NXN: variants seen among roughly 807,000 people sequenced by gnomAD.
The protein encoded by NXN is nucleoredoxin 1.
Under a neutral mutation model 48.6 loss-of-function variants are expected in NXN, and 16 were observed. The observed-to-expected ratio is 0.33, with a 90% confidence interval of 0.22 to 0.50. The LOEUF (loss-of-function observed/expected upper bound fraction) is 0.50. NXN is among the 20% of genes least tolerant of loss of function. The pLI, the probability that NXN is intolerant of heterozygous loss-of-function variation, is 0.98. For synonymous variants in NXN, 281 were observed against 269.6 expected, an observed-to-expected ratio of 1.04 and a Z score of -0.41; for missense variants, 492 against 605.5, an observed-to-expected ratio of 0.81 and a Z score of 1.97.
chr17:851,313 C>G (rs1326512722), intron 1 of NXN, among the ~76,000 whole-genome samples: 24 of 152,288 alleles, frequency 1.6e-4, no homozygotes, highest in Admixed American at 1.6e-3. Context: ...GGACAAAAGA[C>G]AGCGCAAGCC....
rs989148111 is a variant in NXN at position 850,715 on chromosome 17, G to A, written c.361-24637C>T. 2.4e-4 allele frequency among the ~76,000 whole-genome samples: 37 copies of A among 152,176 alleles called. 3 individuals are homozygous for A. Among genetic ancestry groups the A allele is most frequent in the African/African-American group, 2.4e-5 (1 of 41,432 alleles). On this transcript the variant is annotated intron_variant, in intron 1 of 7. Transcript: ENST00000336868. ...CTGCAGACAAGATGAATGGCCACAC[G>A]TCCCTTAGAGCACACTCCCGAGGTA...
chr17:969,953 G>A (rs1384750329), intron 1 of NXN, among the ~76,000 whole-genome samples: 1 of 152,120 alleles, frequency 6.6e-6, no homozygotes, highest in Admixed American at 6.6e-5. Context: ...CCTGTAATTG[G>A]TGCCTGTACT....
chr17:955,693 G>A (rs2150622742), intron 1 of NXN, among the ~76,000 whole-genome samples: 1 of 150,608 alleles, frequency 6.6e-6, no homozygotes, highest in Admixed American at 6.6e-5. Flanking sequence ...TCAGGAGATT[G>A]AGACCATCCT....
At chr17:843,056 G>GAAAGCAAGCAAGCAAGC (rs113972004) in intron 1 of NXN, among the ~76,000 whole-genome samples, 1 of 107,218 alleles carries the variant, frequency 9.3e-6, no homozygotes, top group African/African-American at 3.9e-5. Context: ...AAGAAAGAAA[G>GAAAGCAAGCAAGCAAGC]AAGGAAGAAA....
intron 1 of NXN, among the ~76,000 whole-genome samples, chr17:876,564 T>A (rs1021270790): frequency 6.6e-6 from 1 of 152,216 alleles, no homozygotes; most frequent in Non-Finnish European, 1.5e-5. Context: ...GTAAGAGTTA[T>A]GTACTCTGAG....
At chr17:812,816 G>A (rs1242416812) in intron 5 of NXN, among the ~76,000 whole-genome samples, 1 of 151,032 alleles carries the variant, frequency 6.6e-6, no homozygotes, top group Non-Finnish European at 1.5e-5. Context: ...GTGTAGGTGT[G>A]TGTGCGAGTG....
intron 1 of NXN, among the ~76,000 whole-genome samples, chr17:888,579 C>T (rs907884822): frequency 2.6e-5 from 4 of 152,056 alleles, no homozygotes; most frequent in South Asian, 2.1e-4. Flanking sequence ...CAGACAATTG[C>T]TATTATCAAT....
At chr17:960,495 C>A (rs1036082397) in intron 1 of NXN, among the ~76,000 whole-genome samples, 1 of 151,834 alleles carries the variant, frequency 6.6e-6, no homozygotes, top group Non-Finnish European at 1.5e-5. Context: ...AGGTGTGCAC[C>A]AACATGCAGG....
intron 1 of NXN, among the ~76,000 whole-genome samples, chr17:835,085 G>A (rs192371391): frequency 3.3e-5 from 5 of 151,166 alleles, no homozygotes; most frequent in Non-Finnish European, 7.4e-5. Flanking sequence ...GAGGCGGGCG[G>A]ATCACAAGGT....
intron 1 of NXN, among the ~76,000 whole-genome samples, chr17:901,384 C>T (rs1221178181): frequency 6.6e-6 from 1 of 152,172 alleles, no homozygotes; most frequent in African/African-American, 2.4e-5. Flanking sequence ...CTTTCCTCTC[C>T]GCAGTTTATT....
intron 1 of NXN, among the ~76,000 whole-genome samples, chr17:897,391 A>C (rs556932872): frequency 6.6e-6 from 1 of 152,222 alleles, no homozygotes; most frequent in Non-Finnish European, 1.5e-5. Context: ...GGATCTCATG[A>C]TTAAGAGAAA....
intron 1 of NXN, among the ~76,000 whole-genome samples, chr17:858,870 A>G (rs2144772754): frequency 6.6e-6 from 1 of 152,228 alleles, no homozygotes; most frequent in East Asian, 1.9e-4. Flanking sequence ...CTCTTCCCTC[A>G]CTCTGTTAAT....
chr17:955,574 C>G (rs2069157244), intron 1 of NXN, among the ~76,000 whole-genome samples: 1 of 151,294 alleles, frequency 6.6e-6, no homozygotes, highest in Non-Finnish European at 1.5e-5. Flanking sequence ...CTGGCCCAGC[C>G]AGACGCGGTG....
chr17:875,710 A>G (rs928924514), intron 1 of NXN, among the ~76,000 whole-genome samples: 2 of 151,296 alleles, frequency 1.3e-5, no homozygotes, highest in African/African-American at 4.9e-5. Flanking sequence ...CTACCACCTC[A>G]GCCTCCCAAG....
chr17:881,226 G>A (rs1463231516), intron 1 of NXN, among the ~76,000 whole-genome samples: 6 of 152,214 alleles, frequency 3.9e-5, no homozygotes, highest in Admixed American at 1.3e-4. Flanking sequence ...CTCACACTCC[G>A]CTGCCGGGGA....
At chr17:814,747 C>T (rs995673252) in intron 5 of NXN, among the ~76,000 whole-genome samples, 1 of 152,150 alleles carries the variant, frequency 6.6e-6, no homozygotes, top group South Asian at 2.1e-4. Flanking sequence ...CAAATCCGGC[C>T]GGGCGCAGTG....
intron 1 of NXN, among the ~76,000 whole-genome samples, chr17:954,347 CTCCAGCCTTG>C (rs34006701): frequency 0.026 from 3,934 of 152,256 alleles, 187 homozygotes; most frequent in African/African-American, 0.089. Flanking sequence ...CACCATTGCA[CTCCAGCCTTG>C]GTGACAGAGC....
intron 1 of NXN, among the ~76,000 whole-genome samples, chr17:847,301 C>T (rs1011639730): frequency 6.6e-6 from 1 of 152,040 alleles, no homozygotes; most frequent in African/African-American, 2.4e-5. Context: ...TTATAAACCC[C>T]GTGTTGATCA....
In NXN at chr17:912,551, T is replaced by C. The variant is rs1215411211; in HGVS notation, c.360+66768A>G. The stretch of plus-strand genomic sequence containing the variant: ...CACATATTTCAAAAGTTGTACTTCT[T>C]TAATTGCAAACAGAACCAGGCATCT... On this transcript the variant is annotated intron_variant, in intron 1 of 7. Transcript: ENST00000336868. 3.9e-5 allele frequency among the ~76,000 whole-genome samples: 6 copies of C among 152,232 alleles called. No individual in the cohort carries two copies. The South Asian group carries it at 8.3e-4, about 21-fold the overall frequency.
Sources: allele counts gnomAD v4.1 joint callset (sites outside exome capture counted in the v4.1 genomes callset), GRCh38; gene constraint gnomAD v4.1.1; transcripts MANE v1.5; gene names NCBI Gene and HGNC (gene_info 2026-07-23, HGNC 2026-07-21).